Variants in PCNT observed in about 807,000 individuals in gnomAD.
PCNT encodes the protein kendrin.
Under a neutral mutation model 380.4 loss-of-function variants are expected in PCNT, and 319 were observed. That is an observed-to-expected ratio of 0.84 (90% CI 0.77 to 0.92). The LOEUF (loss-of-function observed/expected upper bound fraction) is 0.92. Among genes scored for constraint, PCNT ranks in the 40% least tolerant of loss-of-function variants. The pLI is 0.00. For synonymous variants in PCNT, 1,845 were observed against 1,735.2 expected (o/e 1.06, Z -1.57); for missense variants, 4,400 against 4,255.3 (o/e 1.03, Z -0.95).
rs7275401 is a variant in PCNT, at chr21:46,347,348, A to T, written c.977-109A>T. On this transcript the variant is annotated intron_variant, in intron 5 of 46. Transcript: ENST00000359568. ...ACAGACACATCCTGCTAGCCCGTGA[A>T]TGCTGGCACGTGTCCAGTGGGTGCC... The T allele has an allele frequency of 3.0e-3, 3,155 of 1,060,612 alleles. 70 individuals are homozygous for T. The African/African-American group carries it at 0.043, about 15-fold the overall frequency. 65.7% of individuals were successfully genotyped at this position (1,060,612 alleles called of 1,614,324 possible). A position where few individuals can be genotyped will look rare whatever the true frequency, so the allele number is the denominator to read the frequency against.
At chr21:46,353,458 C>T in intron 10 of PCNT, 132 bp downstream of exon 10, 2 of 814,126 alleles carry the variant, frequency 2.5e-6, no homozygotes, top group Non-Finnish European at 4.1e-6. Context: ...ATTTTATGGT[C>T]CAGATTTAAA....
At chr21:46,381,384 G>A in intron 15 of PCNT, among the ~76,000 whole-genome samples, 1 of 152,090 alleles carries the variant, frequency 6.6e-6, no homozygotes, top group Non-Finnish European at 1.5e-5. Flanking sequence ...GAACTTCTTA[G>A]TGTGACTCTT....
chr21:46,391,876 G>A (rs978463161), intron 21 of PCNT, among the ~76,000 whole-genome samples: 14 of 152,176 alleles, frequency 9.2e-5, no homozygotes, highest in Admixed American at 1.3e-4. Flanking sequence ...AGGGAGCTGC[G>A]TCCTCAGTAG....
Position 46,346,974 on chromosome 21 carries a change from G to T in PCNT, c.952G>T (p.Val318Leu). 1 of 1,595,874 alleles carries T rather than the reference G, an allele frequency of 6.3e-7. No homozygotes were observed. Among genetic ancestry groups the T allele is most frequent in the Non-Finnish European group, 8.5e-7 (1 of 1,173,582 alleles). The change falls in exon 5 of 47, where the codon GTG becomes TTG. Residue 318 changes from valine (V) to leucine (L), a missense_variant. By Grantham distance (32) the Val-to-Leu change is conservative. Transcript: ENST00000359568. ...EQHAREKEEV[V>L]LRCGQEAAEL... ...GCACGCACGGGAGAAGGAGGAGGTGGTGCTCAGGTGTGGACAGGAAGCAGG... is the reference window on the plus strand; with the variant it reads ...GCACGCACGGGAGAAGGAGGAGGTGTTGCTCAGGTGTGGACAGGAAGCAGG...
At chr21:46,339,358 T>C (rs1454865707) in intron 3 of PCNT, among the ~76,000 whole-genome samples, 1 of 152,214 alleles carries the variant, frequency 6.6e-6, no homozygotes, top group Non-Finnish European at 1.5e-5. Context: ...GTCTTTGGTG[T>C]TCTGCAGTTT....
At chr21:46,331,470 A>G (rs182418909) in intron 2 of PCNT, among the ~76,000 whole-genome samples, 1 of 152,348 alleles carries the variant, frequency 6.6e-6, no homozygotes, top group African/African-American at 2.4e-5. Flanking sequence ...TGATGGAAAA[A>G]TAGTTGAAAC....
intron 12 of PCNT, among the ~76,000 whole-genome samples, chr21:46,356,122 C>A (rs925976707): frequency 1.3e-5 from 2 of 152,326 alleles, no homozygotes; most frequent in African/African-American, 4.8e-5. Flanking sequence ...AGTCGCGGTC[C>A]CATGGCGCCG....
intron 1 of PCNT, among the ~76,000 whole-genome samples, chr21:46,325,867 A>T (rs770115387): frequency 2.4e-4 from 36 of 152,126 alleles, no homozygotes; most frequent in Non-Finnish European, 7.4e-5. Flanking sequence ...AAAATAGAAC[A>T]TCTGATTCCA....
At chr21:46,381,199 TGTGTGTGTGTGTGTGTGTG>T (rs1320832774) in intron 15 of PCNT, among the ~76,000 whole-genome samples, 2 of 158 alleles carry the variant, frequency 0.013, no homozygotes, top group African/African-American at 0.062. Context: ...AAAATCTCTG[TGTGTGTGTGTGTGTGTGTG>T]TGTGTGTGTG....
At chr21:46,393,342 C>T (rs972808160) in intron 21 of PCNT, among the ~76,000 whole-genome samples, 3 of 152,212 alleles carry the variant, frequency 2.0e-5, no homozygotes, top group Non-Finnish European at 4.4e-5. Context: ...AGGAACGTCT[C>T]TGACGTCCTG....
rs2085937359 is a variant in PCNT, at chr21:46,388,955, G to A, written c.3607+71G>A. On this transcript the variant is annotated intron_variant, in intron 18 of 46. Coordinates refer to ENST00000359568, the MANE Select transcript of PCNT (RefSeq NM_006031.6). This position sits in a 1 kb window ranked among gnomAD's most constrained non-coding sequence, Gnocchi z 4.2. ...TCTGTGGTCCTGGAGCTCTCTGAGA[G>A]GAGCCTCCGTATTGGGCGATGCCCT... 6.5e-7 allele frequency: 1 copy of A among 1,532,318 alleles called. No homozygotes were observed. The highest frequency in any genetic ancestry group is 1.4e-5 in the African/African-American group (1 of 73,134). The allele number at this position is 1,532,318 out of a possible 1,614,324, so 94.9% of individuals were successfully genotyped here.
chr21:46,351,236 G>A (rs1410124368), intron 8 of PCNT, among the ~76,000 whole-genome samples, 193 bp from the exon 9 acceptor site: 3 of 152,170 alleles, frequency 2.0e-5, no homozygotes, highest in African/African-American at 7.2e-5. Context: ...TGGGGTCAGC[G>A]CTGACCGATC....
Position 46,399,627 on chromosome 21 carries a change from A to G in PCNT, c.4622A>G (p.Asp1541Gly). 1.2e-6 allele frequency: 2 copies of G among 1,613,954 alleles called. No homozygotes were observed. Among genetic ancestry groups the G allele is most frequent in the Non-Finnish European group, 1.7e-6 (2 of 1,179,764 alleles). Reference protein sequence around the residue: ...LLQQKLREKLDEFNELAIQKE... With the variant: ...LLQQKLREKLGEFNELAIQKE... ...CAACAAAAGTTGAGAGAAAAGTTGG[A>G]TGAATTTAATGAATTGGCTATACAG... Residue 1541 changes from aspartate (D) to glycine (G), a missense_variant, in exon 25 of 47, where the codon GAT (aspartate) becomes GGT (glycine). By Grantham distance (94) the Asp-to-Gly change is moderately conservative. Transcript: ENST00000359568.
intron 14 of PCNT, 66 bp downstream of exon 14, chr21:46,364,000 G>A: frequency 6.8e-7 from 1 of 1,474,228 alleles, no homozygotes; most frequent in Non-Finnish European, 9.4e-7. Context: ...TAGAAGGTGG[G>A]CAGGCTCCTG....
intron 27 of PCNT, 111 bp from the exon 28 acceptor site, chr21:46,411,078 C>T (rs2086769219): frequency 5.2e-6 from 6 of 1,144,068 alleles, no homozygotes; most frequent in Non-Finnish European, 7.9e-6. Context: ...TTGTTTTTCA[C>T]GCTATGGAGT....
At chr21:46,409,431 G>A (rs950863493) in intron 27 of PCNT, among the ~76,000 whole-genome samples, 1 of 151,798 alleles carries the variant, frequency 6.6e-6, no homozygotes, top group African/African-American at 2.4e-5. Flanking sequence ...CAGAAGATCC[G>A]CCTGCCTTGG....
intron 29 of PCNT, among the ~76,000 whole-genome samples, chr21:46,413,515 C>G (rs2086889581): frequency 1.3e-5 from 2 of 152,222 alleles, no homozygotes; most frequent in African/African-American, 4.8e-5. Flanking sequence ...ACGAGCTGTC[C>G]ATAACTGTTG....
chr21:46,369,272 C>A (rs1385825186), intron 15 of PCNT, among the ~76,000 whole-genome samples: 2 of 152,214 alleles, frequency 1.3e-5, no homozygotes, highest in African/African-American at 4.8e-5. Flanking sequence ...CAGGGTCTCC[C>A]TGTGTTGCCC....
intron 27 of PCNT, among the ~76,000 whole-genome samples, chr21:46,403,706 G>A (rs1186910590): frequency 2.0e-4 from 29 of 141,568 alleles, no homozygotes; most frequent in Non-Finnish European, 3.9e-4. Context: ...GCACGTGCTT[G>A]GTGAATGAAC....
Sources: allele counts gnomAD v4.1 joint callset (sites outside exome capture counted in the v4.1 genomes callset), GRCh38; gene constraint gnomAD v4.1.1; non-coding constraint Gnocchi (gnomAD v3.1); transcripts MANE v1.5; gene names NCBI Gene and HGNC (gene_info 2026-07-23, HGNC 2026-07-21).